CTNNA3: variants seen among roughly 807,000 people sequenced by gnomAD.
CTNNA3 encodes the protein catenin alpha 3, also known as catenin alpha-3.
Under a neutral mutation model 95.7 loss-of-function variants are expected in CTNNA3, and 76 were observed. The observed-to-expected ratio is 0.79, with a 90% CI of 0.66 to 0.96. CTNNA3 has a LOEUF of 0.96. CTNNA3 is among the 40% of genes least tolerant of loss of function. CTNNA3 has a pLI of 0.00. For missense variants in CTNNA3, 1,191 were observed against 1,089.8 expected (o/e 1.09, Z -1.31); for synonymous variants, 431 against 374.4 (o/e 1.15, Z -1.74).
chr10:67,637,972 C>A (rs1162226349), intron 2 of CTNNA3, among the ~76,000 whole-genome samples: 3 of 152,242 alleles, frequency 2.0e-5, no homozygotes, highest in Non-Finnish European at 2.9e-5. Context: ...GCAAAATAAC[C>A]AGCTAACATC....
At chr10:66,482,034 G>C (rs1453085765) in intron 11 of CTNNA3, among the ~76,000 whole-genome samples, 1 of 152,072 alleles carries the variant, frequency 6.6e-6, no homozygotes, top group Non-Finnish European at 1.5e-5. Context: ...CTAAATTTAT[G>C]TGTATGTTTT....
At chr10:66,845,754 T>TACACAC (rs140313786) in intron 7 of CTNNA3, among the ~76,000 whole-genome samples, 113 of 108,660 alleles carry the variant, frequency 1.0e-3, no homozygotes, top group South Asian at 7.8e-3. Context: ...TATATATACA[T>TACACAC]ACACACACAC....
intron 13 of CTNNA3, among the ~76,000 whole-genome samples, chr10:66,264,095 G>C (rs2091085291): frequency 6.6e-6 from 1 of 151,826 alleles, no homozygotes; most frequent in African/African-American, 2.4e-5. Flanking sequence ...TCCTATCATA[G>C]GTCAAACTTA....
chr10:66,681,314 C>T (rs1847060473), intron 9 of CTNNA3, among the ~76,000 whole-genome samples: 1 of 152,148 alleles, frequency 6.6e-6, no homozygotes, highest in African/African-American at 2.4e-5. Flanking sequence ...ACAACTGCTT[C>T]AACTCACTTG....
intron 2 of CTNNA3, among the ~76,000 whole-genome samples, chr10:67,640,280 A>G (rs1414909202): frequency 6.6e-6 from 1 of 152,222 alleles, no homozygotes; most frequent in East Asian, 1.9e-4. Context: ...TAAAATACCT[A>G]GGAATCCAAC....
At chr10:67,331,498 C>T (rs1304912003) in intron 5 of CTNNA3, among the ~76,000 whole-genome samples, 1 of 150,900 alleles carries the variant, frequency 6.6e-6, no homozygotes, top group Non-Finnish European at 1.5e-5. Flanking sequence ...TGAGAATCAA[C>T]AAAGGATTCT....
intron 13 of CTNNA3, among the ~76,000 whole-genome samples, chr10:66,136,955 G>T (rs917409075): frequency 6.6e-6 from 1 of 151,972 alleles, no homozygotes; most frequent in Non-Finnish European, 1.5e-5. Flanking sequence ...CTGAGTACCT[G>T]GGATTACAGG....
intron 12 of CTNNA3, among the ~76,000 whole-genome samples, chr10:66,317,825 T>A (rs1009012164): frequency 1.3e-5 from 2 of 152,118 alleles, no homozygotes; most frequent in African/African-American, 4.8e-5. Context: ...GAATTTTCTG[T>A]CAAGGTTATG....
chr10:67,372,266 C>G (rs1302625878), intron 5 of CTNNA3, among the ~76,000 whole-genome samples: 1 of 152,060 alleles, frequency 6.6e-6, no homozygotes, highest in Non-Finnish European at 1.5e-5. Flanking sequence ...CTTTTGTTGC[C>G]ATTGCTTTTG....
chr10:66,759,469 T>C (rs1292876998), intron 9 of CTNNA3, among the ~76,000 whole-genome samples: 1 of 152,202 alleles, frequency 6.6e-6, no homozygotes, highest in Non-Finnish European at 1.5e-5. Flanking sequence ...ATGGGGTTAA[T>C]AGATGTTCGT....
chr10:67,087,675 T>A (rs1589720548), intron 7 of CTNNA3, among the ~76,000 whole-genome samples: 2 of 152,098 alleles, frequency 1.3e-5, no homozygotes, highest in South Asian at 4.1e-4. Flanking sequence ...GCTCACTCAT[T>A]TTAGCCCTCT....
rs80231310 is a variant in CTNNA3, at chr10:66,195,969, A to G, written c.1884+84501T>C. On this transcript the variant is annotated intron_variant, in intron 13 of 17. Transcript: ENST00000433211. Reference sequence around the variant, plus strand: ...AATTGTTTCTTAGCTACACACACATACACACACAAAGCAATTGGATGTTCT... The same window carrying G: ...AATTGTTTCTTAGCTACACACACATGCACACACAAAGCAATTGGATGTTCT... Among the ~76,000 whole-genome samples the G allele has an allele frequency of 3.6e-3, 552 of 152,314 alleles. 2 individuals are homozygous for G. The highest frequency in any genetic ancestry group is 0.013 in the African/African-American group (530 of 41,566).
chr10:67,600,979 A>G (rs1461837770), intron 3 of CTNNA3, among the ~76,000 whole-genome samples: 1 of 152,196 alleles, frequency 6.6e-6, no homozygotes, highest in African/African-American at 2.4e-5. Flanking sequence ...GGCAAAACTC[A>G]CCTATGGTGT....
chr10:66,133,200 T>G (rs2083199889), intron 13 of CTNNA3, among the ~76,000 whole-genome samples: 1 of 152,140 alleles, frequency 6.6e-6, no homozygotes, highest in South Asian at 2.1e-4. Context: ...TACAAGATAC[T>G]TTTCTGGAAT....
chr10:66,189,649 TACAC>T (rs1292175476), intron 13 of CTNNA3, among the ~76,000 whole-genome samples: 1 of 139,734 alleles, frequency 7.2e-6, no homozygotes. Context: ...CATATATATA[TACAC>T]ACACACATAT....
At chr10:65,972,862 G>GA (rs1034580171) in intron 16 of CTNNA3, among the ~76,000 whole-genome samples, 64 of 143,702 alleles carry the variant, frequency 4.5e-4, no homozygotes, top group African/African-American at 1.5e-3. Flanking sequence ...AAATTCATAT[G>GA]AAACCAAGAA....
At chr10:67,732,046 C>T (rs1158034092) in intron 1 of CTNNA3, among the ~76,000 whole-genome samples, 1 of 150,406 alleles carries the variant, frequency 6.6e-6, no homozygotes, top group East Asian at 2.0e-4. Flanking sequence ...TCCCAAAGTG[C>T]TGAGATTACA....
intron 3 of CTNNA3, among the ~76,000 whole-genome samples, chr10:67,597,118 T>A (rs1338496906): frequency 6.6e-6 from 1 of 152,232 alleles, no homozygotes; most frequent in Non-Finnish European, 1.5e-5. Flanking sequence ...TCAGATCAGT[T>A]TGGTTCTTTC....
chr10:67,071,390 A>G (rs1856450598), intron 7 of CTNNA3, among the ~76,000 whole-genome samples: 1 of 138,754 alleles, frequency 7.2e-6, no homozygotes, highest in Non-Finnish European at 1.5e-5. Context: ...ATATATTTGT[A>G]TTAGTTACAG....
Sources: allele counts gnomAD v4.1 joint callset (sites outside exome capture counted in the v4.1 genomes callset), GRCh38; gene constraint gnomAD v4.1.1; transcripts MANE v1.5; gene names NCBI Gene and HGNC (gene_info 2026-07-23, HGNC 2026-07-21).